Variants in KCNMB2 observed in about 807,000 individuals in gnomAD.
The protein encoded by KCNMB2 is potassium calcium-activated channel subfamily M regulatory beta subunit 2.
Under a neutral mutation model 24.5 loss-of-function variants are expected in KCNMB2, and 9 were observed. The ratio of observed to expected loss-of-function variants is 0.37; its 90% CI spans 0.22 to 0.64. KCNMB2 has a LOEUF of 0.64. Ranked by LOEUF, KCNMB2 falls within the 30% of genes least tolerant of loss-of-function variation. The probability of loss-of-function intolerance (pLI) is 0.63; values close to 1 mark genes in which losing one functional copy is unlikely to be tolerated. For synonymous variants in KCNMB2, 109 were observed against 104.4 expected, an observed-to-expected ratio of 1.04 and a Z score of -0.27; for missense variants, 226 against 284.3, an observed-to-expected ratio of 0.79 and a Z score of 1.47.
At chr3:178,809,101 C>T (rs941335341) in intron 2 of KCNMB2, among the ~76,000 whole-genome samples, 1 of 152,148 alleles carries the variant, frequency 6.6e-6, no homozygotes. Context: ...TCAGCAAGAT[C>T]TTTTCTGTAA....
In KCNMB2 at chr3:178,832,549, A is replaced by C. The variant is rs185242935; in HGVS notation, c.423+4176A>C. Among the ~76,000 whole-genome samples, 2 of 80,006 alleles carry C rather than the reference A, an allele frequency of 2.5e-5. 1 individual carries two copies. The highest frequency in any genetic ancestry group is 2.1e-4 in the Admixed American group (2 of 9,696). The allele number at this position is 80,006 out of a possible 152,430, so 52.5% of individuals were successfully genotyped here. ...CATTCTCTGCCTCTTCACCTCTGGG[A>C]CTCCAGTTGGCCACATACGAGGTTT... On this transcript the variant is annotated intron_variant, in intron 4 of 4. Transcript: ENST00000452583.
chr3:178,545,420 G>A (rs1715742813), intron 1 of KCNMB2, among the ~76,000 whole-genome samples: 2 of 152,162 alleles, frequency 1.3e-5, no homozygotes, highest in Admixed American at 1.3e-4. Flanking sequence ...TCAAGCACCT[G>A]ACTCCATAAC....
intron 1 of KCNMB2, among the ~76,000 whole-genome samples, chr3:178,614,288 T>TACAC (rs1718617216): frequency 8.6e-6 from 1 of 115,972 alleles, no homozygotes; most frequent in African/African-American, 3.2e-5. Context: ...TATATATATA[T>TACAC]ATATATATGT....
chr3:178,614,269 A>ATG (rs1407944849), intron 1 of KCNMB2, among the ~76,000 whole-genome samples: 23 of 77,946 alleles, frequency 3.0e-4, no homozygotes, highest in Middle Eastern at 7.5e-3. Flanking sequence ...ATATATATAT[A>ATG]TATATATATA....
At chr3:178,598,261 G>A (rs1331897185) in intron 1 of KCNMB2, among the ~76,000 whole-genome samples, 1 of 152,082 alleles carries the variant, frequency 6.6e-6, no homozygotes, top group Non-Finnish European at 1.5e-5. Context: ...CTCCAGGTTT[G>A]AATCCAGTCA....
At chr3:178,660,799 T>C (rs1425214560) in intron 1 of KCNMB2, among the ~76,000 whole-genome samples, 1 of 152,006 alleles carries the variant, frequency 6.6e-6, no homozygotes, top group African/African-American at 2.4e-5. Flanking sequence ...CCAGGTCCTA[T>C]TGCTTCATAT....
At chr3:178,656,187 T>G (rs1179742274) in intron 1 of KCNMB2, among the ~76,000 whole-genome samples, 1 of 152,220 alleles carries the variant, frequency 6.6e-6, no homozygotes, top group Non-Finnish European at 1.5e-5. Context: ...AATGTATATT[T>G]AATTTCTTCT....
intron 3 of KCNMB2, among the ~76,000 whole-genome samples, chr3:178,827,970 C>T (rs1364601226): frequency 1.3e-5 from 2 of 152,172 alleles, no homozygotes; most frequent in African/African-American, 4.8e-5. Flanking sequence ...TCATTGAAAA[C>T]GTTCTCACGT....
chr3:178,812,156 T>A (rs1001219881), intron 2 of KCNMB2, among the ~76,000 whole-genome samples: 1 of 152,214 alleles, frequency 6.6e-6, no homozygotes, highest in African/African-American at 2.4e-5. Flanking sequence ...GCTATATGTA[T>A]GTAAATAGCT....
At chr3:178,726,335 G>GAAAAAAA (rs1444115712) in intron 1 of KCNMB2, among the ~76,000 whole-genome samples, 1 of 151,682 alleles carries the variant, frequency 6.6e-6, no homozygotes, top group South Asian at 2.1e-4. Flanking sequence ...AATTCAAGAG[G>GAAAAAAA]AAAAAAATAA....
intron 1 of KCNMB2, among the ~76,000 whole-genome samples, chr3:178,627,454 C>T (rs1719162275): frequency 6.6e-6 from 1 of 152,152 alleles, no homozygotes; most frequent in Non-Finnish European, 1.5e-5. Context: ...AAACCTAACA[C>T]CCAGTTCTTT....
chr3:178,739,620 G>A (rs1723429054), intron 1 of KCNMB2, among the ~76,000 whole-genome samples: 1 of 152,130 alleles, frequency 6.6e-6, no homozygotes, highest in Non-Finnish European at 1.5e-5. Context: ...GTTTCTGAAG[G>A]TAGAGAAGCT....
intron 1 of KCNMB2, among the ~76,000 whole-genome samples, chr3:178,744,421 T>G (rs1402260216): frequency 6.6e-6 from 1 of 152,212 alleles, no homozygotes. Flanking sequence ...TATCAGTAAT[T>G]AGAAGAAAGC....
intron 1 of KCNMB2, among the ~76,000 whole-genome samples, chr3:178,589,178 C>T (rs927699872): frequency 6.6e-6 from 1 of 152,220 alleles, no homozygotes; most frequent in Non-Finnish European, 1.5e-5. Context: ...CCCCAGCGTT[C>T]TAACAGCTCA....
At position 178,556,551 on chromosome 3, in the gene KCNMB2, C is replaced by T. The variant is rs191760166; in HGVS notation, c.-68+19840C>T. 2.6e-5 allele frequency among the ~76,000 whole-genome samples: 4 copies of T among 152,158 alleles called. No individual in the cohort carries two copies. The East Asian group carries it at 5.8e-4, about 22-fold the overall frequency. On this transcript the variant is annotated intron_variant, in intron 1 of 4. Transcript: ENST00000452583. ...TCCCAAGTAGCTGGGATTACAGGCGCCTGCCACCACGCCCAGCTAATTTTT... is the reference window on the plus strand; with the variant it reads ...TCCCAAGTAGCTGGGATTACAGGCGTCTGCCACCACGCCCAGCTAATTTTT...
chr3:178,612,071 C>A (rs61698138), intron 1 of KCNMB2, among the ~76,000 whole-genome samples: 6,729 of 152,136 alleles, frequency 0.044, 458 homozygotes, highest in African/African-American at 0.15. Context: ...CAAAATTTTT[C>A]TTGTTATTAA....
chr3:178,683,159 G>A (rs1259490260), intron 1 of KCNMB2, among the ~76,000 whole-genome samples: 4 of 152,134 alleles, frequency 2.6e-5, no homozygotes, highest in South Asian at 2.1e-4. Flanking sequence ...GAATGAAATC[G>A]TGTTCTTTGC....
chr3:178,750,663 T>C (rs907096898), intron 1 of KCNMB2, among the ~76,000 whole-genome samples: 6 of 152,144 alleles, frequency 3.9e-5, no homozygotes, highest in African/African-American at 1.4e-4. Context: ...CAGACAGACT[T>C]TTGCACCCGC....
chr3:178,626,383 C>A (rs1005614429), intron 1 of KCNMB2, among the ~76,000 whole-genome samples: 8 of 152,160 alleles, frequency 5.3e-5, no homozygotes, highest in Non-Finnish European at 1.2e-4. Context: ...AAGTGCCTGA[C>A]ACATGGTAAG....
Sources: gnomAD v4.1 joint callset for allele counts (sites outside exome capture counted in the v4.1 genomes callset) on GRCh38, gnomAD v4.1.1 for gene constraint, MANE v1.5 for transcripts, NCBI Gene and HGNC (gene_info 2026-07-23, HGNC 2026-07-21) for gene names.